The following HEATR5B variants were observed in gnomAD, a reference collection of about 807,000 sequenced individuals.
The protein encoded by HEATR5B is HEAT repeat-containing protein 5B.
In HEATR5B, 156 loss-of-function variants were observed where a neutral mutation model predicts 224.1. The observed-to-expected ratio is 0.70, with a 90% CI of 0.61 to 0.80. The LOEUF is 0.80. HEATR5B is among the 30% of genes least tolerant of loss of function. The pLI, the probability that HEATR5B is intolerant of heterozygous loss-of-function variation, is 0.00. For missense variants in HEATR5B, 2,323 were observed against 2,535.5 expected (o/e 0.92, Z 1.80); for synonymous variants, 1,027 against 893.0 (o/e 1.15, Z -2.68).
chr2:37,056,536 T>A lies in HEATR5B; in HGVS notation c.2303A>T (p.Glu768Val). Residue 768 changes from glutamate to valine, a missense_variant, in exon 16 of 36, where the codon GAA (glutamate) becomes GTA (valine). Physicochemically the swap from Glu to Val is moderately radical, Grantham distance 121 (BLOSUM62 -2). This residue lies in a region of HEATR5B where 170 missense variants were observed against 216.7 expected (regional missense o/e 0.78). Transcript: ENST00000233099. ...GAGAGGGAGGGGACCAGGTACTGCT[T>A]CTCCAGCAGGTATGCGTAAATAAAT... ...SSIYLRIPAG[E>V]AVPGPLPLGV... 6.2e-7 allele frequency: 1 copy of A among 1,613,498 alleles called. No homozygotes were observed. The highest frequency in any genetic ancestry group is 8.5e-7 in the Non-Finnish European group (1 of 1,179,622).
Position 37,059,976 on chromosome 2 carries a change from AAGT to A in HEATR5B, c.1849+602_1849+604del, listed in dbSNP as rs547038928. ...TATCTCTCTCCCAGTTTGGAAAAAG[AAGT>A]AGTTTTCACTCTGAGATAAACCAAA... On this transcript the variant is annotated intron_variant, in intron 12 of 35. Transcript: ENST00000233099. Among the ~76,000 whole-genome samples the A allele has an allele frequency of 2.5e-3, 387 of 152,262 alleles. 3 individuals are homozygous for A. The highest frequency in any genetic ancestry group is 4.4e-3 in the Non-Finnish European group (296 of 68,012).
intron 22 of HEATR5B, among the ~76,000 whole-genome samples, chr2:37,031,169 G>C (rs1669104610): frequency 6.6e-6 from 1 of 152,106 alleles, no homozygotes; most frequent in South Asian, 2.1e-4. Context: ...GCTTGTGCCT[G>C]GTTTCCTCTA....
chr2:36,999,873 G>T (rs1408632405), intron 33 of HEATR5B, among the ~76,000 whole-genome samples: 1 of 151,062 alleles, frequency 6.6e-6, no homozygotes, highest in African/African-American at 2.4e-5. Context: ...TTAACCGGGT[G>T]TGTTGGCAGG....
chr2:37,050,568 T>G (rs1368802258), intron 17 of HEATR5B, among the ~76,000 whole-genome samples: 1 of 152,214 alleles, frequency 6.6e-6, no homozygotes, highest in Admixed American at 6.5e-5. Flanking sequence ...AATGGATTGG[T>G]TCTATCTTTT....
chr2:37,040,895 T>A (rs1669830898), intron 19 of HEATR5B: 1 of 475,814 alleles, frequency 2.1e-6, no homozygotes, highest in East Asian at 3.3e-5. Context: ...GTACACAGAA[T>A]AATACACAAT....
intron 18 of HEATR5B, among the ~76,000 whole-genome samples, chr2:37,046,738 G>GT (rs1283134517): frequency 6.6e-6 from 1 of 151,718 alleles, no homozygotes; most frequent in Non-Finnish European, 1.5e-5. Context: ...TCTAAGTGCT[G>GT]TCACAGAACA....
chr2:37,047,639 A>G (rs1008147256), intron 18 of HEATR5B, among the ~76,000 whole-genome samples: 5 of 152,240 alleles, frequency 3.3e-5, no homozygotes, highest in African/African-American at 1.2e-4. Flanking sequence ...CTATTAACCT[A>G]GAATGGTTTA....
At chr2:37,066,553 T>C (rs576191967) in intron 8 of HEATR5B, among the ~76,000 whole-genome samples, 4 of 152,218 alleles carry the variant, frequency 2.6e-5, no homozygotes, top group Non-Finnish European at 4.4e-5. Context: ...AAGTTCCCAT[T>C]AATTAACCTT....
rs992706555 is a variant in HEATR5B, at chr2:37,026,185, G to C, written c.3853+1738C>G. Among the ~76,000 whole-genome samples the C allele has an allele frequency of 4.6e-5, 7 of 152,158 alleles. No homozygotes were observed. The South Asian group carries it at 6.2e-4, about 14-fold the overall frequency. ...GAGATTTAACGCTGCTGGCTTTGAA[G>C]AGAGAGAGGGAGCCGTGAGCCAGGG... On this transcript the variant is annotated intron_variant, in intron 24 of 35. Coordinates refer to ENST00000233099, the MANE Select transcript of HEATR5B (RefSeq NM_019024.3).
intron 12 of HEATR5B, among the ~76,000 whole-genome samples, chr2:37,059,465 T>TA (rs1491341061): frequency 0.017 from 750 of 45,002 alleles, 10 homozygotes; most frequent in African/African-American, 0.041. Context: ...TATATATATA[T>TA]TTTTTTTTTT....
At chr2:36,983,359 CT>C (rs1305174567) in intron 35 of HEATR5B, among the ~76,000 whole-genome samples, 1 of 129,792 alleles carries the variant, frequency 7.7e-6, no homozygotes, top group Non-Finnish European at 1.6e-5. Flanking sequence ...GAAACCCTAT[CT>C]CTACTAAAAA....
rs764066213 is a variant in HEATR5B, at chr2:36,981,812, T to A, written c.5912-18A>T. 6.5e-6 allele frequency: 10 copies of A among 1,541,916 alleles called. No individual in the cohort carries two copies. In the Admixed American group the frequency reaches 8.1e-5, roughly 12 times the overall value. On this transcript the variant is annotated intron_variant, in intron 35 of 35. Coordinates refer to ENST00000233099, the MANE Select transcript of HEATR5B (RefSeq NM_019024.3). ...CTGGACTCCTGTAAATAATAAAGTATGAAAAAAGATCACAAACATAAGGAT... is the reference window on the plus strand; with the variant it reads ...CTGGACTCCTGTAAATAATAAAGTAAGAAAAAAGATCACAAACATAAGGAT...
chr2:37,051,340 G>A lies in HEATR5B; in HGVS notation c.2506-1497C>T, dbSNP rs555661942. ...CACTGCACTCCAGCCTGGCAACAGG[G>A]CGAAACTCCATCTCAAAAAAAAAAA... On this transcript the variant is annotated intron_variant, in intron 17 of 35. Transcript: ENST00000233099. Among the ~76,000 whole-genome samples, 145 of 140,352 alleles carry A rather than the reference G, an allele frequency of 1.0e-3. 2 individuals carry two copies. Among genetic ancestry groups the A allele is most frequent in the Non-Finnish European group, 8.7e-4 (57 of 65,828 alleles). The allele number at this position is 140,352 out of a possible 152,430, so 92.1% of individuals were successfully genotyped here. A position where few individuals can be genotyped will look rare whatever the true frequency, so the allele number is the denominator to read the frequency against.
intron 21 of HEATR5B, among the ~76,000 whole-genome samples, chr2:37,037,233 C>T (rs1167996771): frequency 6.8e-6 from 1 of 148,126 alleles, no homozygotes; most frequent in African/African-American, 2.5e-5. Flanking sequence ...GCAACCTCCG[C>T]CTCCTGGGTT....
chr2:37,058,423 T>C, intron 14 of HEATR5B, 28 bp downstream of exon 14: 1 of 1,352,946 alleles, frequency 7.4e-7, no homozygotes. Flanking sequence ...GAAAAATTTT[T>C]ATCAGATACC....
rs1671550238 is a variant in HEATR5B, at chr2:37,065,756, T to C, written c.1332A>G (p.Ile444Met). 6.2e-7 allele frequency: 1 copy of C among 1,612,684 alleles called. No homozygotes were observed. The highest frequency in any genetic ancestry group is 1.7e-5 in the Admixed American group (1 of 59,838). Residue 444 changes from isoleucine (I) to methionine (M), a missense_variant and splice_region_variant, in exon 9 of 36, where the codon ATA (isoleucine) becomes ATG (methionine). Transcript: ENST00000233099. ...CTAGCAAGTAACTGAATGTCATACC[T>C]ATAGATGCTTCTTGAATAAGAGGGG... ...TASPLIQEAS[I>M]GLLEIVTSVL...
At chr2:37,032,815 C>T (rs1402417283) in intron 21 of HEATR5B, 42 bp from the exon 22 acceptor site, 1 of 1,563,038 alleles carries the variant, frequency 6.4e-7, no homozygotes, top group Non-Finnish European at 8.7e-7. Context: ...CTTTAAAAAG[C>T]TGTAATTCTT....
At chr2:37,065,324 C>CTT (rs566277259) in intron 9 of HEATR5B, among the ~76,000 whole-genome samples, 1 of 146,030 alleles carries the variant, frequency 6.8e-6, no homozygotes, top group Non-Finnish European at 1.5e-5. Flanking sequence ...TACAAGGAAA[C>CTT]TTTTTTTTTT....
intron 24 of HEATR5B, among the ~76,000 whole-genome samples, chr2:37,026,325 G>A (rs1668771801): frequency 6.6e-6 from 1 of 152,150 alleles, no homozygotes; most frequent in Admixed American, 6.5e-5. Flanking sequence ...GACTCTTGTT[G>A]GACTTCTGAC....
Sources: gnomAD v4.1 joint callset for allele counts (sites outside exome capture counted in the v4.1 genomes callset) on GRCh38, gnomAD v4.1.1 for gene constraint, gnomAD v4.1.1 regional missense constraint, MANE v1.5 for transcripts, NCBI Gene and HGNC (gene_info 2026-07-23, HGNC 2026-07-21) for gene names.